BANP: variants seen among roughly 807,000 people sequenced by gnomAD.
The protein encoded by BANP is protein BANP.
A neutral mutation model predicts 68.1 loss-of-function variants in BANP; 11 were observed. That is an observed-to-expected ratio of 0.16 (90% CI 0.10 to 0.27). The LOEUF is 0.27. Ranked by LOEUF, BANP falls within the 10% of genes least tolerant of loss-of-function variation. The pLI is 1.00. For synonymous variants in BANP, 329 were observed against 303.2 expected (o/e 1.09, Z -0.88); for missense variants, 504 against 722.7 (o/e 0.70, Z 3.47).
chr16:88,019,965 C>T (rs2152678956), intron 7 of BANP, among the ~76,000 whole-genome samples: 1 of 152,330 alleles, frequency 6.6e-6, no homozygotes, highest in East Asian at 1.9e-4. Context: ...CAGGTCATGG[C>T]ATCTTCCCAT....
chr16:88,010,543 TGACCTCGTTGTCCCA>T (rs2072758733), intron 6 of BANP, among the ~76,000 whole-genome samples: 1 of 152,254 alleles, frequency 6.6e-6, no homozygotes, highest in South Asian at 2.1e-4. Context: ...CACGCCGTGC[TGACCTCGTTGTCCCA>T]GACCTCGTTG....
Position 88,064,519 on chromosome 16 carries a change from G to A in BANP, c.1312-748G>A, listed in dbSNP as rs2087885128. ...CCACGGACAGATGCTCCCAGGATGC[G>A]GCTAGGCGTCCAGGCCAGCATCGGG... On this transcript the variant is annotated intron_variant, in intron 11 of 13. Transcript: ENST00000682872. This position sits in a 1 kb window ranked among gnomAD's most constrained non-coding sequence, Gnocchi z 4.5. Among the ~76,000 whole-genome samples the A allele has an allele frequency of 2.0e-5, 3 of 152,252 alleles. No individual in the cohort carries two copies. The highest frequency in any genetic ancestry group is 4.1e-4 in the South Asian group (2 of 4,834).
At chr16:88,042,282 G>C (rs72818537) in intron 11 of BANP, among the ~76,000 whole-genome samples, 11,188 of 152,342 alleles carry the variant, frequency 0.073, 640 homozygotes, top group African/African-American at 0.16. Flanking sequence ...CATTTGGGAA[G>C]ATGAGGTTCA....
At chr16:88,065,569 C>A (rs779029463) in intron 12 of BANP, among the ~76,000 whole-genome samples, 1 of 152,174 alleles carries the variant, frequency 6.6e-6, no homozygotes, top group Non-Finnish European at 1.5e-5. Flanking sequence ...CTGCCCAGCA[C>A]AGCGAGCTGG....
Position 88,036,084 on chromosome 16 carries a change from G to A in BANP, c.1272+690G>A, listed in dbSNP as rs1009187247. Reference sequence around the variant, plus strand: ...GCATGCCAGAGCAGGACTGTCTCCCGGGTGACCGTCCTTCGACTCTGGGCT... The same window carrying A: ...GCATGCCAGAGCAGGACTGTCTCCCAGGTGACCGTCCTTCGACTCTGGGCT... On this transcript the variant is annotated intron_variant, in intron 10 of 13. Coordinates refer to ENST00000682872, the MANE Select transcript of BANP (RefSeq NM_001386991.1). The surrounding 1 kb of genome is among the most constrained non-coding windows in gnomAD (Gnocchi z 4.2). Among the ~76,000 whole-genome samples, 5 of 152,200 alleles carry A rather than the reference G, an allele frequency of 3.3e-5. No homozygotes were observed. The highest frequency in any genetic ancestry group is 5.9e-5 in the Non-Finnish European group (4 of 68,038).
At chr16:88,025,065 G>A (rs74040266) in intron 7 of BANP, among the ~76,000 whole-genome samples, 2,262 of 152,266 alleles carry the variant, frequency 0.015, 61 homozygotes, top group African/African-American at 0.051. Flanking sequence ...ACAGGAGGGC[G>A]GTTCTGAGGA....
At chr16:87,988,840 C>G (rs2065142962) in intron 4 of BANP, among the ~76,000 whole-genome samples, 2 of 152,202 alleles carry the variant, frequency 1.3e-5, no homozygotes, top group African/African-American at 4.8e-5. Flanking sequence ...CAGAGCCAGC[C>G]CAACCCTCAA....
chr16:88,013,158 C>T (rs765731432), intron 6 of BANP, among the ~76,000 whole-genome samples: 10 of 152,234 alleles, frequency 6.6e-5, no homozygotes, highest in Non-Finnish European at 1.0e-4. Context: ...GAGCGTTTGC[C>T]TCCATTCCCA....
intron 11 of BANP, among the ~76,000 whole-genome samples, chr16:88,054,775 C>G (rs1473803801): frequency 1.3e-5 from 2 of 152,202 alleles, no homozygotes; most frequent in African/African-American, 4.8e-5. Context: ...TCTGTCCTTA[C>G]TATGTAGGCC....
Position 87,984,112 on chromosome 16 carries a change from A to T in BANP, c.215A>T (p.Glu72Val). 6.2e-7 allele frequency: 1 copy of T among 1,613,874 alleles called. No individual in the cohort carries two copies. Among genetic ancestry groups the T allele is most frequent in the Non-Finnish European group, 8.5e-7 (1 of 1,179,852 alleles). The stretch of plus-strand genomic sequence containing the variant: ...ATCTGCTTGCGGTTGGATAGCATTG[A>T]AGCCAAATTGCAAGCCCTGGAGGCT... ...QTICLRLDSI[E>V]AKLQALEATC... The change falls in exon 4 of 14, where the codon GAA (glutamate) becomes GTA (valine). Residue 72 changes from glutamate to valine, a missense_variant. Glu to Val is a moderately radical substitution (Grantham distance 121). This residue lies in a region of BANP where 238 missense variants were observed against 278.9 expected (regional missense o/e 0.85). Coordinates refer to ENST00000682872, the MANE Select transcript of BANP (RefSeq NM_001386991.1).
At chr16:87,967,429 C>T (rs1325431299) in intron 1 of BANP, among the ~76,000 whole-genome samples, 2 of 151,562 alleles carry the variant, frequency 1.3e-5, no homozygotes, top group Non-Finnish European at 2.9e-5. Flanking sequence ...TTTAATTGTA[C>T]ATTTTATTTT....
At chr16:87,995,528 T>C (rs926483504) in intron 4 of BANP, among the ~76,000 whole-genome samples, 4 of 152,224 alleles carry the variant, frequency 2.6e-5, no homozygotes, top group Admixed American at 2.0e-4. Flanking sequence ...TACTTTTCCT[T>C]GAGAGAATTC....
At chr16:87,983,645 C>A (rs28690689) in intron 3 of BANP, among the ~76,000 whole-genome samples, 1 of 151,454 alleles carries the variant, frequency 6.6e-6, no homozygotes, top group Non-Finnish European at 1.5e-5. Flanking sequence ...AGGCAGCGGG[C>A]TGTGAGGCGA....
intron 1 of BANP, among the ~76,000 whole-genome samples, chr16:87,962,852 CT>C: frequency 6.6e-6 from 1 of 152,294 alleles, no homozygotes; most frequent in South Asian, 2.1e-4. Context: ...CCACTTCAGA[CT>C]GATTTCGGGC....
At chr16:88,059,971 A>T (rs1400673800) in intron 11 of BANP, among the ~76,000 whole-genome samples, 2 of 152,248 alleles carry the variant, frequency 1.3e-5, no homozygotes, top group Non-Finnish European at 2.9e-5. Flanking sequence ...TGAGGTTGGC[A>T]CAGGTGGGGT....
At chr16:88,037,675 C>G in intron 10 of BANP, 2 of 416,876 alleles carry the variant, frequency 4.8e-6, no homozygotes, top group South Asian at 4.8e-5. Flanking sequence ...TTTTGTGAGT[C>G]AGATTCTTTC....
chr16:87,958,852 G>C (rs890250027), intron 1 of BANP, among the ~76,000 whole-genome samples: 2 of 152,192 alleles, frequency 1.3e-5, no homozygotes, highest in South Asian at 4.1e-4. Context: ...TGAGCTCAGC[G>C]GCACAAACTC....
intron 11 of BANP, among the ~76,000 whole-genome samples, chr16:88,043,890 G>T (rs900819427): frequency 1.4e-5 from 2 of 140,042 alleles, no homozygotes; most frequent in African/African-American, 6.1e-5. Context: ...AACAAAAAAA[G>T]CCCTTAAAAA....
intron 8 of BANP, among the ~76,000 whole-genome samples, chr16:88,029,585 T>C (rs1465608969): frequency 7.2e-6 from 1 of 139,718 alleles, no homozygotes; most frequent in African/African-American, 2.7e-5. Flanking sequence ...CACTCCAGCC[T>C]GGGCTACAGA....
Sources: gnomAD v4.1 joint callset for allele counts (sites outside exome capture counted in the v4.1 genomes callset) on GRCh38, gnomAD v4.1.1 for gene constraint, gnomAD v4.1.1 regional missense constraint, Gnocchi (gnomAD v3.1) non-coding constraint, MANE v1.5 for transcripts, NCBI Gene and HGNC (gene_info 2026-07-23, HGNC 2026-07-21) for gene names.